CDH8: variants seen among roughly 807,000 people sequenced by gnomAD.
CDH8 encodes cadherin-8.
Under a neutral mutation model 68.1 loss-of-function variants are expected in CDH8, and 17 were observed. The observed-to-expected ratio is 0.25, with a 90% confidence interval of 0.17 to 0.37. The LOEUF (loss-of-function observed/expected upper bound fraction) is 0.37, where lower values mean the gene tolerates loss of function less well. CDH8 is among the 10% of genes least tolerant of loss of function. The pLI, the probability that CDH8 is intolerant of heterozygous loss-of-function variation, is 1.00. For missense variants in CDH8, 763 were observed against 999.3 expected (o/e 0.76, Z 3.19); for synonymous variants, 372 against 365.1 (o/e 1.02, Z -0.21).
chr16:61,839,689 T>G (rs1192360334), intron 4 of CDH8, among the ~76,000 whole-genome samples: 1 of 152,046 alleles, frequency 6.6e-6, no homozygotes, highest in Non-Finnish European at 1.5e-5. Flanking sequence ...TTCCCCAACT[T>G]TGCATAAGGC....
intron 8 of CDH8, among the ~76,000 whole-genome samples, chr16:61,730,502 C>A (rs2142900490): frequency 6.6e-6 from 1 of 151,430 alleles, no homozygotes; most frequent in Middle Eastern, 3.4e-3. Context: ...TTATTTTCTT[C>A]TTTAGTTTGT....
intron 4 of CDH8, among the ~76,000 whole-genome samples, chr16:61,856,285 T>A (rs959088328): frequency 1.3e-5 from 2 of 152,204 alleles, no homozygotes; most frequent in African/African-American, 4.8e-5. Context: ...ACAAAAAAAA[T>A]TGCTTTTTAA....
rs544375193 is a variant in CDH8 at position 61,745,434 on chromosome 16, C to T, written c.1415-18219G>A. Among the ~76,000 whole-genome samples the T allele has an allele frequency of 2.0e-5, 3 of 152,040 alleles. No individual in the cohort carries two copies. In the East Asian group the frequency reaches 5.8e-4, roughly 29 times the overall value. On this transcript the variant is annotated intron_variant, in intron 8 of 11. Transcript: ENST00000577390. ...TGAAAATTTGTGACCATTATTTCTT[C>T]AAATATTGCATCTTCTCTGGCCTTC...
At chr16:61,814,842 T>C (rs1962036458) in intron 7 of CDH8, among the ~76,000 whole-genome samples, 1 of 152,164 alleles carries the variant, frequency 6.6e-6, no homozygotes, top group African/African-American at 2.4e-5. Context: ...CAATTGTGCA[T>C]AGAGAGAGGG....
chr16:61,717,682 G>A lies in CDH8; in HGVS notation c.1537-3724C>T, dbSNP rs566667172. The stretch of plus-strand genomic sequence containing the variant: ...CACAGGATCTATTAGAACCTCTTCC[G>A]TGAGTTCCTGTAGATATTATTTATC... On this transcript the variant is annotated intron_variant, in intron 9 of 11. Transcript: ENST00000577390. Among the ~76,000 whole-genome samples the A allele has an allele frequency of 9.2e-5, 14 of 151,468 alleles. No individual in the cohort carries two copies. In the East Asian group the frequency reaches 1.8e-3, roughly 19 times the overall value.
intron 7 of CDH8, among the ~76,000 whole-genome samples, chr16:61,808,813 C>T (rs1961868121): frequency 6.6e-6 from 1 of 152,114 alleles, no homozygotes; most frequent in Non-Finnish European, 1.5e-5. Context: ...TTAGGTTTTG[C>T]AGTCCACAGT....
At chr16:61,909,860 T>C (rs1964129359) in intron 2 of CDH8, among the ~76,000 whole-genome samples, 2 of 152,130 alleles carry the variant, frequency 1.3e-5, no homozygotes, top group African/African-American at 2.4e-5. Context: ...GAGAGAATAT[T>C]TGACAAGGAG....
At chr16:61,951,848 A>G (rs1964904183) in intron 2 of CDH8, among the ~76,000 whole-genome samples, 3 of 152,228 alleles carry the variant, frequency 2.0e-5, no homozygotes, top group African/African-American at 7.2e-5. Flanking sequence ...TACTGCAGGT[A>G]TCCCTCACCA....
chr16:61,984,731 T>C (rs1046137981), intron 2 of CDH8, among the ~76,000 whole-genome samples: 1 of 152,324 alleles, frequency 6.6e-6, no homozygotes, highest in East Asian at 1.9e-4. Flanking sequence ...GTTTATATTA[T>C]TTGTTTGTTG....
intron 10 of CDH8, among the ~76,000 whole-genome samples, chr16:61,675,620 A>C (rs1275589610): frequency 1.2e-5 from 1 of 86,686 alleles, no homozygotes; most frequent in Non-Finnish European, 2.1e-5. Context: ...AAAAAAAATA[A>C]AAAAAATAAA....
chr16:61,996,827 G>A (rs537884079), intron 2 of CDH8, among the ~76,000 whole-genome samples: 4 of 152,082 alleles, frequency 2.6e-5, no homozygotes, highest in African/African-American at 7.2e-5. Flanking sequence ...GCAATACTCC[G>A]ACCTCACTCA....
chr16:61,724,502 G>A (rs1959285705), intron 9 of CDH8, among the ~76,000 whole-genome samples: 1 of 150,216 alleles, frequency 6.7e-6, no homozygotes, highest in Non-Finnish European at 1.5e-5. Context: ...TTTTTTAATG[G>A]CTTATCCTTC....
At chr16:61,952,033 C>T (rs1488786711) in intron 2 of CDH8, among the ~76,000 whole-genome samples, 1 of 152,116 alleles carries the variant, frequency 6.6e-6, no homozygotes, top group African/African-American at 2.4e-5. Flanking sequence ...AAGACAGTGG[C>T]CATGTCTTCT....
At chr16:61,841,070 T>G (rs113687314) in intron 4 of CDH8, among the ~76,000 whole-genome samples, 1 of 152,182 alleles carries the variant, frequency 6.6e-6, no homozygotes, top group Non-Finnish European at 1.5e-5. Flanking sequence ...GAGTACTCCA[T>G]TGTGTATATC....
At chr16:61,922,822 T>C (rs991400236) in intron 2 of CDH8, among the ~76,000 whole-genome samples, 1 of 152,232 alleles carries the variant, frequency 6.6e-6, no homozygotes, top group African/African-American at 2.4e-5. Context: ...CTAAAATTTA[T>C]AAATCACATA....
chr16:61,938,387 G>T (rs1567536055), intron 2 of CDH8, among the ~76,000 whole-genome samples: 1 of 152,114 alleles, frequency 6.6e-6, no homozygotes, highest in Non-Finnish European at 1.5e-5. Flanking sequence ...AGATATTAAT[G>T]AGAAGCCCCA....
intron 10 of CDH8, among the ~76,000 whole-genome samples, chr16:61,703,260 T>C (rs1964466164): frequency 6.6e-6 from 1 of 152,176 alleles, no homozygotes; most frequent in Non-Finnish European, 1.5e-5. Context: ...AAACTTATAA[T>C]ACTGTTAATA....
At chr16:61,893,518 T>C (rs1284845230) in intron 3 of CDH8, among the ~76,000 whole-genome samples, 3 of 151,936 alleles carry the variant, frequency 2.0e-5, no homozygotes, top group African/African-American at 7.3e-5. Context: ...CTAATAACAA[T>C]GAACACAACT....
chr16:61,956,632 C>T (rs974784348), intron 2 of CDH8, among the ~76,000 whole-genome samples: 1 of 152,090 alleles, frequency 6.6e-6, no homozygotes, highest in African/African-American at 2.4e-5. Flanking sequence ...TATGATGCTG[C>T]TTAACAAGTT....
Sources: allele counts gnomAD v4.1 joint callset (sites outside exome capture counted in the v4.1 genomes callset), GRCh38; gene constraint gnomAD v4.1.1; transcripts MANE v1.5; gene names NCBI Gene and HGNC (gene_info 2026-07-23, HGNC 2026-07-21).